SGCZ: variants seen among roughly 807,000 people sequenced by gnomAD.
The protein encoded by SGCZ is zeta-sarcoglycan.
Under a neutral mutation model 41.3 loss-of-function variants are expected in SGCZ, and 40 were observed. The observed-to-expected ratio is 0.97, with a 90% confidence interval of 0.75 to 1.26. SGCZ has a LOEUF of 1.26. Among genes scored for constraint, SGCZ ranks in the 50% most tolerant of loss-of-function variants. SGCZ has a pLI of 0.00. For missense variants in SGCZ, 552 were observed against 369.8 expected, an observed-to-expected ratio of 1.49 and a Z score of -4.04; for synonymous variants, 206 against 137.5, an observed-to-expected ratio of 1.50 and a Z score of -3.49.
chr8:14,430,984 C>A (rs907617981), intron 2 of SGCZ, among the ~76,000 whole-genome samples: 1 of 152,080 alleles, frequency 6.6e-6, no homozygotes, highest in Non-Finnish European at 1.5e-5. Context: ...TACACCTAAC[C>A]AAGGAGGTGA....
intron 3 of SGCZ, among the ~76,000 whole-genome samples, chr8:14,263,930 G>A: frequency 6.6e-6 from 1 of 152,232 alleles, no homozygotes; most frequent in East Asian, 1.9e-4. Flanking sequence ...CTACCAGGGT[G>A]AAACCCAGCA....
At chr8:14,242,735 T>C (rs1390522830) in intron 3 of SGCZ, among the ~76,000 whole-genome samples, 2 of 152,108 alleles carry the variant, frequency 1.3e-5, no homozygotes, top group Non-Finnish European at 2.9e-5. Context: ...TTCCTTCAAA[T>C]GACACAGCTA....
chr8:14,931,352 C>T (rs1178402780), intron 1 of SGCZ, among the ~76,000 whole-genome samples: 1 of 151,924 alleles, frequency 6.6e-6, no homozygotes, highest in African/African-American at 2.4e-5. Context: ...TTCTTGAGTT[C>T]CTACTTTGTT....
chr8:14,462,671 T>C (rs974140439), intron 2 of SGCZ, among the ~76,000 whole-genome samples: 1 of 151,826 alleles, frequency 6.6e-6, no homozygotes, highest in African/African-American at 2.4e-5. Context: ...CACTTTGTTC[T>C]TCTTTTTCAA....
chr8:14,222,361 G>T (rs2117124638), intron 4 of SGCZ, among the ~76,000 whole-genome samples: 1 of 152,028 alleles, frequency 6.6e-6, no homozygotes, highest in Admixed American at 6.5e-5. Flanking sequence ...GTAGAAACGG[G>T]GTTTCACTAT....
chr8:14,656,515 CCTTTT>C (rs892867427), intron 1 of SGCZ, among the ~76,000 whole-genome samples: 3 of 148,320 alleles, frequency 2.0e-5, no homozygotes, highest in African/African-American at 7.5e-5. Flanking sequence ...CTCCTTCCTT[CCTTTT>C]CTTTTCTTTC....
intron 4 of SGCZ, among the ~76,000 whole-genome samples, chr8:14,170,552 A>C (rs1453253104): frequency 7.2e-5 from 11 of 152,128 alleles, no homozygotes; most frequent in Admixed American, 7.2e-4. Flanking sequence ...TGATCTCTCT[A>C]TCCACTTCTA....
rs1585172751 is a variant in SGCZ at position 14,141,642 on chromosome 8, C to T, written c.547+22938G>A. ...TACCATCTTACACCAGTTAGAATGG[C>T]GATCATTAAAAAGTCGGGAAACAAC... On this transcript the variant is annotated intron_variant, in intron 5 of 7. Coordinates refer to ENST00000382080, the MANE Select transcript of SGCZ (RefSeq NM_139167.4). Among the ~76,000 whole-genome samples, 6 of 152,216 alleles carry T rather than the reference C, an allele frequency of 3.9e-5. No homozygotes were observed. The South Asian group carries it at 8.3e-4, about 21-fold the overall frequency.
chr8:14,448,132 A>G (rs941227212), intron 2 of SGCZ, among the ~76,000 whole-genome samples: 2 of 152,200 alleles, frequency 1.3e-5, no homozygotes, highest in Admixed American at 1.3e-4. Context: ...TGGAATGTAG[A>G]TGCTAAGAAG....
At chr8:14,168,562 G>A (rs546483922) in intron 4 of SGCZ, among the ~76,000 whole-genome samples, 15 of 152,228 alleles carry the variant, frequency 9.9e-5, no homozygotes, top group African/African-American at 1.4e-4. Context: ...CGGCTGCCAC[G>A]TAAGATGTGA....
chr8:14,725,911 A>G (rs2130208241), intron 1 of SGCZ, among the ~76,000 whole-genome samples: 1 of 152,330 alleles, frequency 6.6e-6, no homozygotes, highest in Admixed American at 6.5e-5. Flanking sequence ...TAAACTCAGC[A>G]AAAATATATA....
In SGCZ at chr8:14,622,245, G is replaced by T. The variant is rs73519302; in HGVS notation, c.40-67319C>A. Among the ~76,000 whole-genome samples, 1,425 of 152,268 alleles carry T rather than the reference G, an allele frequency of 9.4e-3. 27 individuals are homozygous for T. Among genetic ancestry groups the T allele is most frequent in the African/African-American group, 0.033 (1,359 of 41,554 alleles). ...AGCCAAATAAACAGAATGTATCAAG[G>T]AGGAGGTAGTGAGTAACTGTTAAAT... is the stretch of plus-strand genomic sequence containing the variant. On this transcript the variant is annotated intron_variant, in intron 1 of 7. Coordinates refer to ENST00000382080, the MANE Select transcript of SGCZ (RefSeq NM_139167.4).
intron 2 of SGCZ, among the ~76,000 whole-genome samples, chr8:14,447,178 C>T (rs570480618): frequency 2.0e-5 from 3 of 152,260 alleles, no homozygotes; most frequent in South Asian, 2.1e-4. Context: ...CTCAACCAGT[C>T]TCATGGAACA....
At chr8:14,886,944 G>C (rs1471994375) in intron 1 of SGCZ, among the ~76,000 whole-genome samples, 1 of 152,106 alleles carries the variant, frequency 6.6e-6, no homozygotes, top group Non-Finnish European at 1.5e-5. Context: ...AATTCTGAAT[G>C]TATTATTAGA....
At chr8:14,572,804 C>G (rs1431867442) in intron 1 of SGCZ, among the ~76,000 whole-genome samples, 1 of 152,146 alleles carries the variant, frequency 6.6e-6, no homozygotes, top group Non-Finnish European at 1.5e-5. Flanking sequence ...TTAACACACT[C>G]AAAGTCCCAC....
At chr8:14,709,864 T>C (rs1410869051) in intron 1 of SGCZ, among the ~76,000 whole-genome samples, 1 of 152,184 alleles carries the variant, frequency 6.6e-6, no homozygotes, top group Non-Finnish European at 1.5e-5. Flanking sequence ...CAATCTACAC[T>C]ACTTTTATGA....
intron 1 of SGCZ, among the ~76,000 whole-genome samples, chr8:14,687,180 A>G (rs1218863141): frequency 1.4e-5 from 2 of 147,092 alleles, no homozygotes; most frequent in East Asian, 3.9e-4. Flanking sequence ...AAATATATAT[A>G]TATATATATA....
At chr8:15,013,794 A>G (rs1441370946) in intron 1 of SGCZ, among the ~76,000 whole-genome samples, 1 of 152,212 alleles carries the variant, frequency 6.6e-6, no homozygotes, top group African/African-American at 2.4e-5. Flanking sequence ...ATTAAGAAAA[A>G]ACACACATAC....
At chr8:15,043,421 C>G (rs1419280456) in intron 1 of SGCZ, among the ~76,000 whole-genome samples, 1 of 151,870 alleles carries the variant, frequency 6.6e-6, no homozygotes, top group Admixed American at 6.6e-5. Context: ...GATGGCCCAT[C>G]AAATAGATAA....
Sources: allele counts gnomAD v4.1 joint callset (sites outside exome capture counted in the v4.1 genomes callset), GRCh38; gene constraint gnomAD v4.1.1; transcripts MANE v1.5; gene names NCBI Gene and HGNC (gene_info 2026-07-23, HGNC 2026-07-21).